CEP128: variants seen among roughly 807,000 people sequenced by gnomAD.
The protein encoded by CEP128 is centrosomal protein 128kDa.
CEP128 carries 132 observed loss-of-function variants against 156.7 expected under a neutral mutation model. The ratio of observed to expected loss-of-function variants is 0.84; its 90% CI spans 0.73 to 0.97. CEP128 has a LOEUF of 0.97. CEP128 is among the 50% of genes least tolerant of loss of function. The pLI is 0.00. For synonymous variants in CEP128, 469 were observed against 448.9 expected (o/e 1.04, Z -0.57); for missense variants, 1,252 against 1,281.9 (o/e 0.98, Z 0.36).
rs1417171296 is a variant in CEP128, at chr14:80,903,436, T to G, written c.480+1377A>C. 2.0e-5 allele frequency among the ~76,000 whole-genome samples: 3 copies of G among 152,178 alleles called. No homozygotes were observed. The East Asian group carries it at 5.8e-4, about 29-fold the overall frequency. ...GGCAAAAAGCTCCATGACTTTGGTT[T>G]AGGCAATGGTTTCTTGGATATGACC... On this transcript the variant is annotated intron_variant, in intron 6 of 24. Transcript: ENST00000555265.
chr14:80,591,743 C>T (rs1892079887), intron 19 of CEP128, among the ~76,000 whole-genome samples: 1 of 152,062 alleles, frequency 6.6e-6, no homozygotes, highest in East Asian at 1.9e-4. Context: ...TAAAACTGAC[C>T]ACATAATTGG....
At chr14:80,584,343 A>C (rs1891723383) in intron 19 of CEP128, among the ~76,000 whole-genome samples, 1 of 151,694 alleles carries the variant, frequency 6.6e-6, no homozygotes, top group Non-Finnish European at 1.5e-5. Flanking sequence ...ACGGGGTTTT[A>C]CCATGTTAGA....
chr14:80,588,687 A>T (rs1214954788), intron 19 of CEP128, among the ~76,000 whole-genome samples: 1 of 152,104 alleles, frequency 6.6e-6, no homozygotes, highest in Non-Finnish European at 1.5e-5. Context: ...AGGCCATTTT[A>T]AAGACGAATT....
At chr14:80,487,665 C>T (rs573199975), downstream of CEP128, among the ~76,000 whole-genome samples, 2,150 of 152,102 alleles carry the variant, frequency 0.014, 34 homozygotes, top group Middle Eastern at 0.034. Flanking sequence ...ACAGAAATTA[C>T]AACAAACTGT....
chr14:80,627,332 A>G lies in CEP128; in HGVS notation c.2807-46909T>C, dbSNP rs1312043456. Among the ~76,000 whole-genome samples, 6 of 152,258 alleles carry G rather than the reference A, an allele frequency of 3.9e-5. No homozygotes were observed. In the East Asian group the frequency reaches 1.2e-3, roughly 29 times the overall value. On this transcript the variant is annotated intron_variant, in intron 19 of 24. Transcript: ENST00000555265. ...AATAAATGCTCAGCATATTCTGCTT[A>G]AGAATGTAAGTGAAAATAAAGAAAT...
At chr14:80,732,949 A>T (rs1203390172) in intron 19 of CEP128, among the ~76,000 whole-genome samples, 1 of 124,204 alleles carries the variant, frequency 8.1e-6, no homozygotes, top group East Asian at 2.2e-4. Context: ...TTATATGTCA[A>T]CTTGACTGAG....
At chr14:80,711,106 T>C (rs896540363) in intron 19 of CEP128, among the ~76,000 whole-genome samples, 2 of 152,128 alleles carry the variant, frequency 1.3e-5, no homozygotes, top group African/African-American at 4.8e-5. Context: ...TCTCAAGAAA[T>C]GGTTTTCATT....
At chr14:80,635,873 C>T (rs1192799573) in intron 19 of CEP128, among the ~76,000 whole-genome samples, 1 of 152,190 alleles carries the variant, frequency 6.6e-6, no homozygotes, top group Admixed American at 6.5e-5. Flanking sequence ...GCACAACACA[C>T]AGTTTATTCA....
intron 19 of CEP128, among the ~76,000 whole-genome samples, chr14:80,634,185 A>T (rs1448743936): frequency 6.6e-6 from 1 of 152,188 alleles, no homozygotes; most frequent in African/African-American, 2.4e-5. Flanking sequence ...GGTGTTTAAG[A>T]TGTACTTGTT....
At chr14:80,789,861 TG>T (rs1901612726) in intron 14 of CEP128, among the ~76,000 whole-genome samples, 1 of 151,814 alleles carries the variant, frequency 6.6e-6, no homozygotes, top group Admixed American at 6.6e-5. Flanking sequence ...GCTTGCTCAA[TG>T]TTTTTTTTGT....
At chr14:80,631,623 T>C (rs1225369862) in intron 19 of CEP128, among the ~76,000 whole-genome samples, 2 of 152,100 alleles carry the variant, frequency 1.3e-5, no homozygotes, top group Non-Finnish European at 2.9e-5. Flanking sequence ...GATTTGATGT[T>C]GTAACTGACC....
intron 8 of CEP128, among the ~76,000 whole-genome samples, chr14:80,882,717 G>A (rs1230690030): frequency 6.6e-6 from 1 of 152,168 alleles, no homozygotes; most frequent in East Asian, 1.9e-4. Context: ...ATACACAACG[G>A]AGTACTATTC....
intron 19 of CEP128, among the ~76,000 whole-genome samples, chr14:80,624,835 G>A (rs1893640223): frequency 6.6e-6 from 1 of 152,024 alleles, no homozygotes; most frequent in Admixed American, 6.6e-5. Flanking sequence ...TCAGATAAAT[G>A]GTTTGCAAAT....
chr14:80,755,884 A>G (rs1235231866), intron 18 of CEP128, among the ~76,000 whole-genome samples: 1 of 152,202 alleles, frequency 6.6e-6, no homozygotes, highest in Non-Finnish European at 1.5e-5. Flanking sequence ...ATGCAGTAAT[A>G]GAAGGGGTCT....
Position 80,588,495 on chromosome 14 carries a change from G to A in CEP128, c.2807-8072C>T, listed in dbSNP as rs185448603. ...GTAAATGATTAGAGATAGTTTTAAG[G>A]TATATATGATATACATACAAAACTT... On this transcript the variant is annotated intron_variant, in intron 19 of 24. Coordinates refer to ENST00000555265, the MANE Select transcript of CEP128 (RefSeq NM_152446.5). 3.9e-3 allele frequency among the ~76,000 whole-genome samples: 599 copies of A among 151,984 alleles called. 2 individuals are homozygous for A. Among genetic ancestry groups the A allele is most frequent in the Middle Eastern group, 0.024 (7 of 294 alleles).
rs369774764 is a variant in CEP128 at position 80,916,647 on chromosome 14, C to G, written c.-15-85G>C. The G allele has an allele frequency of 5.8e-5, 63 of 1,079,666 alleles. 1 individual carries two copies. The highest frequency in any genetic ancestry group is 2.5e-5 in the Admixed American group (1 of 39,918). 66.9% of individuals were successfully genotyped at this position (1,079,666 alleles called of 1,614,324 possible). A position where few individuals can be genotyped will look rare whatever the true frequency, so the allele number is the denominator to read the frequency against. On this transcript the variant is annotated intron_variant, in intron 2 of 24. Coordinates refer to ENST00000555265, the MANE Select transcript of CEP128 (RefSeq NM_152446.5). The stretch of plus-strand genomic sequence containing the variant: ...TAATACAACAGTTTACTTTTGATCT[C>G]TTTTCTATGTTTAATACATTAGTAA...
chr14:80,680,597 T>C (rs998988167), intron 19 of CEP128, among the ~76,000 whole-genome samples: 2 of 152,144 alleles, frequency 1.3e-5, no homozygotes, highest in Non-Finnish European at 2.9e-5. Flanking sequence ...TGAACTGTCC[T>C]ACCCACACTG....
chr14:80,766,253 T>C (rs757703409), intron 16 of CEP128, among the ~76,000 whole-genome samples: 1 of 152,198 alleles, frequency 6.6e-6, no homozygotes, highest in Non-Finnish European at 1.5e-5. Flanking sequence ...GAAGCTTCTA[T>C]TTTAGGACAA....
At chr14:80,712,427 T>C (rs1314650114) in intron 19 of CEP128, among the ~76,000 whole-genome samples, 1 of 152,062 alleles carries the variant, frequency 6.6e-6, no homozygotes, top group Admixed American at 6.6e-5. Flanking sequence ...CAACCCCTAT[T>C]ACTCCCTCAG....
Sources: allele counts gnomAD v4.1 joint callset (sites outside exome capture counted in the v4.1 genomes callset), GRCh38; gene constraint gnomAD v4.1.1; transcripts MANE v1.5; gene names NCBI Gene and HGNC (gene_info 2026-07-23, HGNC 2026-07-21).